Variants in MSI2 observed in about 807,000 individuals in gnomAD.
MSI2 encodes the protein RNA-binding protein Musashi homolog 2.
Under a neutral mutation model 45.6 loss-of-function variants are expected in MSI2, and 17 were observed. The ratio of observed to expected loss-of-function variants is 0.37; its 90% CI spans 0.26 to 0.56. MSI2 has a LOEUF of 0.56. Ranked by LOEUF, MSI2 falls within the 20% of genes least tolerant of loss-of-function variation. MSI2 has a pLI of 0.77. For synonymous variants in MSI2, 156 were observed against 158.2 expected (o/e 0.99, Z 0.11); for missense variants, 293 against 444.2 (o/e 0.66, Z 3.06).
chr17:57,490,189 C>T (rs1012167335), intron 6 of MSI2, among the ~76,000 whole-genome samples: 3 of 152,150 alleles, frequency 2.0e-5, no homozygotes, highest in Non-Finnish European at 4.4e-5. Context: ...CAGGTGAAAT[C>T]GTGGATGTAT....
chr17:57,557,306 A>G (rs141712293), intron 7 of MSI2, among the ~76,000 whole-genome samples: 45 of 152,318 alleles, frequency 3.0e-4, no homozygotes, highest in African/African-American at 1.1e-3. Context: ...TTTACGCAAG[A>G]TGAGTCCAGG....
chr17:57,465,009 A>G (rs997995238), intron 6 of MSI2, among the ~76,000 whole-genome samples: 2 of 152,198 alleles, frequency 1.3e-5, no homozygotes, highest in Admixed American at 6.5e-5. Context: ...GCCCTGGGAA[A>G]TGCCCTCGTG....
At chr17:57,586,902 C>T (rs983466450) in intron 7 of MSI2, among the ~76,000 whole-genome samples, 2 of 151,862 alleles carry the variant, frequency 1.3e-5, no homozygotes, top group Admixed American at 6.6e-5. Context: ...CCTCAAAATT[C>T]TCTTTCCTGT....
At chr17:57,361,302 A>T (rs1208811449) in intron 5 of MSI2, among the ~76,000 whole-genome samples, 1 of 152,152 alleles carries the variant, frequency 6.6e-6, no homozygotes, top group East Asian at 1.9e-4. Flanking sequence ...GACAAAAGAA[A>T]ATGTTAAGAA....
At chr17:57,622,182 G>A (rs1435794404) in intron 9 of MSI2, among the ~76,000 whole-genome samples, 1 of 152,220 alleles carries the variant, frequency 6.6e-6, no homozygotes, top group Admixed American at 6.5e-5. Flanking sequence ...GGGTGACAGT[G>A]CAAGATTCCA....
intron 6 of MSI2, among the ~76,000 whole-genome samples, chr17:57,431,159 G>A (rs1020454344): frequency 6.6e-6 from 1 of 152,116 alleles, no homozygotes; most frequent in African/African-American, 2.4e-5. Flanking sequence ...TATCCCTCCA[G>A]GCCCAGTTTT....
intron 6 of MSI2, among the ~76,000 whole-genome samples, chr17:57,438,923 C>A (rs2084743539): frequency 1.3e-5 from 2 of 152,076 alleles, no homozygotes; most frequent in African/African-American, 4.8e-5. Context: ...CCTCAGCCTC[C>A]CAAGTAGCTA....
chr17:57,643,410 C>T lies in MSI2; in HGVS notation c.728-8689C>T, dbSNP rs139325372. 3.3e-5 allele frequency among the ~76,000 whole-genome samples: 5 copies of T among 152,364 alleles called. No homozygotes were observed. The East Asian group carries it at 9.6e-4, about 29-fold the overall frequency. On this transcript the variant is annotated intron_variant, in intron 10 of 13. Transcript: ENST00000284073. ...ACAAGATCCAGTGTTGCGAAGGGCC[C>T]CGCTGTGGGCAGGCAGGGAGAGGTC...
chr17:57,661,603 G>A (rs1234503016), intron 11 of MSI2, among the ~76,000 whole-genome samples: 2 of 152,318 alleles, frequency 1.3e-5, no homozygotes, highest in East Asian at 3.9e-4. Context: ...GTGACCTGGA[G>A]CAAGGGGTGT....
intron 6 of MSI2, among the ~76,000 whole-genome samples, chr17:57,512,033 T>C (rs1375408158): frequency 6.6e-6 from 1 of 152,178 alleles, no homozygotes; most frequent in African/African-American, 2.4e-5. Context: ...CCCAGCTAAG[T>C]TAGTGTCATT....
intron 11 of MSI2, among the ~76,000 whole-genome samples, chr17:57,670,406 G>C (rs762528999): frequency 2.6e-5 from 4 of 152,224 alleles, no homozygotes; most frequent in Non-Finnish European, 5.9e-5. Context: ...CTAAGGGAAA[G>C]GTGCCCAGTA....
At chr17:57,415,217 G>C (rs562403969) in intron 6 of MSI2, among the ~76,000 whole-genome samples, 2 of 152,168 alleles carry the variant, frequency 1.3e-5, no homozygotes, top group Admixed American at 6.5e-5. Context: ...CCAGGGTGGG[G>C]AATGAAAATG....
intron 5 of MSI2, among the ~76,000 whole-genome samples, chr17:57,384,638 A>C (rs988648466): frequency 6.6e-6 from 1 of 152,216 alleles, no homozygotes; most frequent in Non-Finnish European, 1.5e-5. Context: ...TTGGCAAAGC[A>C]GTTTTTCTTC....
At chr17:57,380,157 C>G (rs1405699489) in intron 5 of MSI2, among the ~76,000 whole-genome samples, 1 of 152,128 alleles carries the variant, frequency 6.6e-6, no homozygotes, top group Non-Finnish European at 1.5e-5. Flanking sequence ...TCTTCCCGCT[C>G]TTATTATTAG....
intron 6 of MSI2, among the ~76,000 whole-genome samples, chr17:57,402,449 C>T (rs1419408301): frequency 6.6e-6 from 1 of 152,186 alleles, no homozygotes; most frequent in Non-Finnish European, 1.5e-5. Context: ...GCTGAGGCGT[C>T]CTGAGAAGAC....
chr17:57,358,943 C>G (rs939826132), intron 5 of MSI2, among the ~76,000 whole-genome samples: 1 of 152,140 alleles, frequency 6.6e-6, no homozygotes, highest in African/African-American at 2.4e-5. Flanking sequence ...GTTCCTTATA[C>G]TTTGCGATTG....
At chr17:57,293,596 TTTTTTTTTTTG>T (rs1396693850) in intron 5 of MSI2, among the ~76,000 whole-genome samples, 10 of 17,502 alleles carry the variant, frequency 5.7e-4, no homozygotes, top group African/African-American at 1.3e-3. Flanking sequence ...TGTTTTTTTG[TTTTTTTTTTTG>T]TTTTTTTTTG....
rs1913740178 is a variant in MSI2 at position 57,683,594 on chromosome 17, CACTA to C, written c.*4081_*4084del. Reference sequence around the variant, plus strand: ...CATATGAAATTGTTTACAAAAGAAACACTAACTCATACTTCTCTTTATTGGTTGC... The same window carrying C: ...CATATGAAATTGTTTACAAAAGAAACACTCATACTTCTCTTTATTGGTTGC... On this transcript the variant is annotated 3_prime_UTR_variant, in exon 14 of 14. Coordinates refer to ENST00000284073, the MANE Select transcript of MSI2 (RefSeq NM_138962.4). This position sits in a 1 kb window ranked among gnomAD's most constrained non-coding sequence, Gnocchi z 5.2. The C allele has an allele frequency of 4.3e-6, 1 of 230,388 alleles. No individual in the cohort carries two copies. Among genetic ancestry groups the C allele is most frequent in the Admixed American group, 5.7e-5 (1 of 17,678 alleles). 14.3% of individuals were successfully genotyped at this position (230,388 alleles called of 1,614,324 possible). A position where few individuals can be genotyped will look rare whatever the true frequency, so the allele number is the denominator to read the frequency against.
chr17:57,520,488 A>G (rs2086560788), intron 6 of MSI2, among the ~76,000 whole-genome samples: 1 of 152,356 alleles, frequency 6.6e-6, no homozygotes, highest in South Asian at 2.1e-4. Context: ...AGGTCTTGCT[A>G]ATGGGGACAA....
Sources: gnomAD v4.1 joint callset for allele counts (sites outside exome capture counted in the v4.1 genomes callset) on GRCh38, gnomAD v4.1.1 for gene constraint, Gnocchi (gnomAD v3.1) non-coding constraint, MANE v1.5 for transcripts, NCBI Gene and HGNC (gene_info 2026-07-23, HGNC 2026-07-21) for gene names.